The following TMEM71 variants were observed in gnomAD, a reference collection of about 807,000 sequenced individuals.
The protein encoded by TMEM71 is transmembrane protein 71.
TMEM71 carries 44 observed loss-of-function variants against 38.0 expected under a neutral mutation model. The ratio of observed to expected loss-of-function variants is 1.16; its 90% CI spans 0.91 to 1.49. The LOEUF is 1.49. Ranked by LOEUF, TMEM71 falls within the 40% of genes most tolerant of loss-of-function variation. TMEM71 has a pLI of 0.00. For missense variants in TMEM71, 367 were observed against 348.6 expected (o/e 1.05, Z -0.42); for synonymous variants, 133 against 122.5 (o/e 1.09, Z -0.56).
At chr8:132,713,912 T>C in intron 9 of TMEM71, 83 bp downstream of exon 9, 1 of 1,335,676 alleles carries the variant, frequency 7.5e-7, no homozygotes, top group Non-Finnish European at 1.1e-6. Context: ...CATTGCCATC[T>C]ACTATGCAGC....
intron 7 of TMEM71, among the ~76,000 whole-genome samples, chr8:132,715,512 C>T (rs1422583213): frequency 6.6e-6 from 1 of 151,630 alleles, no homozygotes; most frequent in Non-Finnish European, 1.5e-5. Flanking sequence ...ACCATATAAC[C>T]CAACAGCTTC....
the TMEM71 span, chr8:132,775,752 C>A: frequency 3.7e-6 from 1 of 270,944 alleles, no homozygotes; most frequent in East Asian, 6.4e-5. Flanking sequence ...CCTCCCGCCT[C>A]CCTCCCCGTA....
At chr8:132,758,581 C>G in intron 2 of TMEM71, 1 of 431,920 alleles carries the variant, frequency 2.3e-6, no homozygotes, top group Non-Finnish European at 4.1e-6. Flanking sequence ...GATAAACAAT[C>G]TCCTTTCACA....
At chr8:132,721,457 G>C (rs906990559) in intron 7 of TMEM71, among the ~76,000 whole-genome samples, 1 of 151,768 alleles carries the variant, frequency 6.6e-6, no homozygotes, top group African/African-American at 2.4e-5. Context: ...ACTTCTCTTT[G>C]GAGAAAAAGC....
rs1460706720 is a variant in TMEM71, at chr8:132,760,526, G to T, written c.-87C>A. ...ATTGCTGTGCACAGGTGCTTGCAGA[G>T]AAGTTTTGTCTTCGGCAGCCTCTTG... is the stretch of plus-strand genomic sequence containing the variant. On this transcript the variant is annotated 5_prime_UTR_variant, in exon 1 of 10. Transcript: ENST00000677595. The T allele has an allele frequency of 6.6e-6, 1 of 152,242 alleles. No individual in the cohort carries two copies. Among genetic ancestry groups the T allele is most frequent in the Non-Finnish European group, 1.5e-5 (1 of 68,066 alleles). The allele number at this position is 152,242 out of a possible 1,614,324, so 9.4% of individuals were successfully genotyped here.
chr8:132,730,698 C>T (rs775399320), intron 5 of TMEM71, among the ~76,000 whole-genome samples: 6 of 152,094 alleles, frequency 3.9e-5, no homozygotes, highest in African/African-American at 7.2e-5. Flanking sequence ...ATTTTTGCTT[C>T]TTGTCTAAAC....
chr8:132,747,733 A>T (rs372907202), intron 4 of TMEM71, among the ~76,000 whole-genome samples: 6 of 152,360 alleles, frequency 3.9e-5, no homozygotes, highest in African/African-American at 1.4e-4. Flanking sequence ...TCTAAGCTGC[A>T]TCAGATGATC....
chr8:132,768,950 C>T, the TMEM71 span, among the ~76,000 whole-genome samples: 1 of 152,224 alleles, frequency 6.6e-6, no homozygotes, highest in Non-Finnish European at 1.5e-5. Context: ...CTAACACTTA[C>T]AATGTATTGA....
intron 3 of TMEM71, among the ~76,000 whole-genome samples, chr8:132,752,525 G>T (rs1586805367): frequency 6.6e-6 from 1 of 152,146 alleles, no homozygotes; most frequent in East Asian, 1.9e-4. Flanking sequence ...GGTATCCAGG[G>T]AAGGCCCATA....
At chr8:132,716,124 A>G (rs567881490) in intron 7 of TMEM71, among the ~76,000 whole-genome samples, 24 of 152,244 alleles carry the variant, frequency 1.6e-4, no homozygotes, top group African/African-American at 5.8e-4. Context: ...ATGGCTCTGA[A>G]CCCAGGCATC....
chr8:132,726,386 G>T lies in TMEM71; in HGVS notation c.676+1412C>A, dbSNP rs76855807. Among the ~76,000 whole-genome samples the T allele has an allele frequency of 7.2e-3, 1,088 of 152,146 alleles. 16 individuals carry two copies. The highest frequency in any genetic ancestry group is 0.025 in the African/African-American group (1,050 of 41,512). On this transcript the variant is annotated intron_variant, in intron 6 of 9. Coordinates refer to ENST00000677595, the MANE Select transcript of TMEM71 (RefSeq NM_001382403.1). ...GTGAAGTGAATATTTATGATTTTTTGAAAGCAAATAAACAGAAAATATTTT... is the reference window on the plus strand; with the variant it reads ...GTGAAGTGAATATTTATGATTTTTTTAAAGCAAATAAACAGAAAATATTTT...
intron 4 of TMEM71, among the ~76,000 whole-genome samples, chr8:132,749,865 T>A (rs1828598588): frequency 6.6e-6 from 1 of 151,762 alleles, no homozygotes; most frequent in African/African-American, 2.4e-5. Flanking sequence ...AATACAAAAA[T>A]TAGCTGGACA....
the TMEM71 span, among the ~76,000 whole-genome samples, chr8:132,766,073 C>G: frequency 6.6e-6 from 1 of 152,090 alleles, no homozygotes; most frequent in African/African-American, 2.4e-5. Flanking sequence ...TATGAGCCAC[C>G]GCACCCTGCC....
At chr8:132,714,330 A>G in intron 7 of TMEM71, 115 bp from the exon 8 acceptor site, 1 of 795,838 alleles carries the variant, frequency 1.3e-6, no homozygotes. Flanking sequence ...AAACTACAGT[A>G]ATAAAGACAG....
chr8:132,709,356 C>T (rs922973765), downstream of TMEM71, among the ~76,000 whole-genome samples: 2 of 152,170 alleles, frequency 1.3e-5, no homozygotes, highest in Non-Finnish European at 2.9e-5. Context: ...ATATCCCAGA[C>T]CTACTAAATT....
At chr8:132,740,398 G>T (rs940051620) in intron 5 of TMEM71, among the ~76,000 whole-genome samples, 5 of 151,996 alleles carry the variant, frequency 3.3e-5, no homozygotes, top group Non-Finnish European at 7.4e-5. Flanking sequence ...CCCTTTTCTT[G>T]TTTCCCATAC....
rs1391733649 is a variant in TMEM71, at chr8:132,745,958, T to C, written c.487+984A>G. Among the ~76,000 whole-genome samples the C allele has an allele frequency of 3.4e-5, 5 of 147,066 alleles. No homozygotes were observed. The Admixed American group carries it at 3.4e-4, about 10-fold the overall frequency. On this transcript the variant is annotated intron_variant, in intron 5 of 9. Transcript: ENST00000677595. ...CTATGTTCTTACCTATAAGTGGGAG[T>C]TAAACAGTGGATATTCATGAATATA...
chr8:132,767,784 G>A, the TMEM71 span, among the ~76,000 whole-genome samples: 6 of 152,210 alleles, frequency 3.9e-5, no homozygotes, highest in East Asian at 3.9e-4. Context: ...CTAGCTCTTC[G>A]TTTTTGACTG....
intron 5 of TMEM71, among the ~76,000 whole-genome samples, chr8:132,734,440 G>C (rs775216945): frequency 8.5e-5 from 13 of 152,284 alleles, no homozygotes; most frequent in Non-Finnish European, 1.6e-4. Context: ...AGTCATGAGT[G>C]CCCCTTAACT....
Sources: allele counts gnomAD v4.1 joint callset (sites outside exome capture counted in the v4.1 genomes callset), GRCh38; gene constraint gnomAD v4.1.1; transcripts MANE v1.5; gene names NCBI Gene and HGNC (gene_info 2026-07-23, HGNC 2026-07-21).